Variants in TERT observed in about 807,000 individuals in gnomAD.
TERT encodes telomerase reverse transcriptase, also known as telomerase catalytic subunit.
A neutral mutation model predicts 104.0 loss-of-function variants in TERT; 42 were observed. The ratio of observed to expected loss-of-function variants is 0.40; its 90% CI spans 0.32 to 0.52. The LOEUF (loss-of-function observed/expected upper bound fraction) is 0.52. TERT is among the 20% of genes least tolerant of loss of function. The probability of loss-of-function intolerance (pLI) is 0.43; values close to 1 mark genes in which losing one functional copy is unlikely to be tolerated. For synonymous variants in TERT, 781 were observed against 725.6 expected (o/e 1.08, Z -1.23); for missense variants, 1,101 against 1,610.3 (o/e 0.68, Z 5.41).
Position 1,278,768 on chromosome 5 carries a change from A to G in TERT, c.2159T>C (p.Ile720Thr). 1 of 1,613,966 alleles carries G rather than the reference A, an allele frequency of 6.2e-7. No individual in the cohort carries two copies. The highest frequency in any genetic ancestry group is 8.5e-7 in the Non-Finnish European group (1 of 1,180,012). The stretch of plus-strand genomic sequence containing the variant: ...GACCTCCGTGAGCCTGTCCTGGGGG[A>G]TGGTGTCGTACGCGCCCGTCACATC... ...KVDVTGAYDT[I>T]PQDRLTEVIA... The change falls in exon 6 of 16, where the codon ATC (isoleucine) becomes ACC (threonine). Residue 720 changes from isoleucine to threonine, a missense_variant. Coordinates refer to ENST00000310581, the MANE Select transcript of TERT (RefSeq NM_198253.3).
chr5:1,290,574 C>T (rs1403072617), intron 2 of TERT, among the ~76,000 whole-genome samples: 14 of 70,906 alleles, frequency 2.0e-4, no homozygotes, highest in Admixed American at 4.3e-4. Context: ...TCACCCTACA[C>T]GTGACAGGGA....
rs1747828310 is a variant in TERT, at chr5:1,257,443, G to A, written c.3032+1155C>T. Among the ~76,000 whole-genome samples the A allele has an allele frequency of 6.6e-6, 1 of 152,160 alleles. No individual in the cohort carries two copies. The highest frequency in any genetic ancestry group is 1.5e-5 in the Non-Finnish European group (1 of 68,006). On this transcript the variant is annotated intron_variant, in intron 13 of 15. Transcript: ENST00000310581. This position sits in a 1 kb window ranked among gnomAD's most constrained non-coding sequence, Gnocchi z 5.6. ...CACCTGTATCCAGCACACCCCAAGG[G>A]TTTCCGGAAAGGAGTCAAGCAGCTT...
At chr5:1,280,553 AGTCAACCCTGGGGACGCCCAGTCCGGCG>A (rs1200891425) in intron 3 of TERT, among the ~76,000 whole-genome samples, 16 of 152,180 alleles carry the variant, frequency 1.1e-4, no homozygotes, top group Admixed American at 1.0e-3. Flanking sequence ...CTGGTCCTAT[AGTCAACCCTGGGGACGCCCAGTCCGGCG>A]GTCAACCCCC....
rs1748970462 is a variant in TERT at position 1,270,812 on chromosome 5, C to T, written c.2468+307G>A. Among the ~76,000 whole-genome samples, 2 of 152,230 alleles carry T rather than the reference C, an allele frequency of 1.3e-5. No homozygotes were observed. The highest frequency in any genetic ancestry group is 4.1e-4 in the South Asian group (2 of 4,830). On this transcript the variant is annotated intron_variant, in intron 8 of 15. Transcript: ENST00000310581. The surrounding 1 kb of genome is among the most constrained non-coding windows in gnomAD (Gnocchi z 8.3). Reference sequence around the variant, plus strand: ...CTGACAAGCTGCAGGCTCAAACGCTCGGCGCACACCTGACCCAGACACACC... The same window carrying T: ...CTGACAAGCTGCAGGCTCAAACGCTTGGCGCACACCTGACCCAGACACACC...
chr5:1,258,453 G>A, intron 13 of TERT, 145 bp downstream of exon 13: 2 of 770,694 alleles, frequency 2.6e-6, no homozygotes, highest in Non-Finnish European at 4.5e-6. Context: ...GAACAGAACT[G>A]TGCACAGGCA....
At chr5:1,283,601 G>T (rs537192750) in intron 2 of TERT, among the ~76,000 whole-genome samples, 400 of 138,566 alleles carry the variant, frequency 2.9e-3, no homozygotes, top group Middle Eastern at 9.7e-3. Context: ...ACCTCACCCC[G>T]GACCTGCACC....
Position 1,293,492 on chromosome 5 carries a change from A to G in TERT, c.1394T>C (p.Val465Ala). ...HSSPWQVYGF[V>A]RACLRRLVPP... ...CACCAGCCGGCGCAGGCAGGCCCGC[A>G]CGAAGCCGTACACCTGCCAGGGGCT... Residue 465 changes from valine (V) to alanine (A), a missense_variant, in exon 2 of 16, where the codon GTG (valine) becomes GCG (alanine). Val to Ala is a moderately conservative substitution (Grantham distance 64). Coordinates refer to ENST00000310581, the MANE Select transcript of TERT (RefSeq NM_198253.3). 6.3e-7 allele frequency: 1 copy of G among 1,587,654 alleles called. No homozygotes were observed. The highest frequency in any genetic ancestry group is 8.6e-7 in the Non-Finnish European group (1 of 1,167,870).
chr5:1,272,358 G>T, intron 6 of TERT, 78 bp from the exon 7 acceptor site: 1 of 1,256,960 alleles, frequency 8.0e-7, no homozygotes, highest in Non-Finnish European at 1.1e-6. Context: ...CTTCCGATCA[G>T]GACGTGTGGA....
chr5:1,267,358 G>A (rs1348135237), intron 9 of TERT, among the ~76,000 whole-genome samples: 1 of 152,164 alleles, frequency 6.6e-6, no homozygotes, highest in Non-Finnish European at 1.5e-5. Flanking sequence ...ATCCTCTCCA[G>A]CACCAGAACA....
chr5:1,281,048 G>A (rs1175784218), intron 3 of TERT, among the ~76,000 whole-genome samples: 1 of 152,192 alleles, frequency 6.6e-6, no homozygotes, highest in Admixed American at 6.5e-5. Flanking sequence ...CAGGGAGGAG[G>A]GGCCTCCAAG....
intron 4 of TERT, 40 bp from the exon 5 acceptor site, chr5:1,279,510 C>T (rs1399371705): frequency 1.3e-6 from 2 of 1,544,484 alleles, no homozygotes; most frequent in Non-Finnish European, 8.7e-7. Context: ...GAAAGTGGAT[C>T]CGGCCAAGTG....
At chr5:1,258,939 G>C (rs947273976) in intron 12 of TERT, among the ~76,000 whole-genome samples, 6 of 150,860 alleles carry the variant, frequency 4.0e-5, no homozygotes, top group African/African-American at 1.5e-4. Flanking sequence ...GAGAGGGGAG[G>C]TGGACGCAGA....
Position 1,293,858 on chromosome 5 carries a change from G to C in TERT, c.1028C>G (p.Pro343Arg), listed in dbSNP as rs1233561979. The C allele has an allele frequency of 6.5e-7, 1 of 1,546,328 alleles. No homozygotes were observed. Among genetic ancestry groups the C allele is most frequent in the East Asian group, 2.4e-5 (1 of 40,922 alleles). Residue 343 changes from proline (P) to arginine (R), a missense_variant, in exon 2 of 16, where the codon CCC becomes CGC. Pro to Arg is a moderately radical substitution (Grantham distance 103, BLOSUM62 -2). Around this residue, in one of 5 missense-constraint regions of TERT, gnomAD observed 504 missense variants for 544.6 expected, o/e 0.93. Coordinates refer to ENST00000310581, the MANE Select transcript of TERT (RefSeq NM_198253.3). ...CCTCAGAGAGCTGAGTAGGAAGGAG[G>C]GCCGCAGCTGCTCCTTGTCGCCTGA... ...YSSGDKEQLR[P>R]SFLLSSLRPS...
In TERT at chr5:1,257,686, T is replaced by G. The variant is rs1381962828; in HGVS notation, c.3032+912A>C. On this transcript the variant is annotated intron_variant, in intron 13 of 15. Transcript: ENST00000310581. The surrounding 1 kb of genome is among the most constrained non-coding windows in gnomAD (Gnocchi z 5.6). Reference sequence around the variant, plus strand: ...GCGCAAGCACTCGGGTTAAAAACCATTTTCATGGTACGACCTTGTAATGGA... The same window carrying G: ...GCGCAAGCACTCGGGTTAAAAACCAGTTTCATGGTACGACCTTGTAATGGA... Among the ~76,000 whole-genome samples, 1 of 152,232 alleles carries G rather than the reference T, an allele frequency of 6.6e-6. No individual in the cohort carries two copies. Among genetic ancestry groups the G allele is most frequent in the Non-Finnish European group, 1.5e-5 (1 of 68,036 alleles).
At position 1,271,000 on chromosome 5, in the gene TERT, G is replaced by T; in HGVS notation, c.2468+119C>A. 1 of 804,622 alleles carries T rather than the reference G, an allele frequency of 1.2e-6. No individual in the cohort carries two copies. The highest frequency in any genetic ancestry group is 2.1e-6 in the Non-Finnish European group (1 of 486,284). The allele number at this position is 804,622 out of a possible 1,614,324, so 49.8% of individuals were successfully genotyped here. The stretch of plus-strand genomic sequence containing the variant: ...CCGGAGGGGGCGGGGGCCAGAAAAG[G>T]AGACTCTGGTGGCCCCGGGCAGAAG... On this transcript the variant is annotated intron_variant, in intron 8 of 15. Transcript: ENST00000310581. This position sits in a 1 kb window ranked among gnomAD's most constrained non-coding sequence, Gnocchi z 8.3.
chr5:1,294,745 CGGACG>C, intron 1 of TERT, 21 bp downstream of exon 1: 5 of 1,560,494 alleles, frequency 3.2e-6, no homozygotes, highest in Non-Finnish European at 4.3e-6. Flanking sequence ...CAACCCCAGC[CGGACG>C]CCGACCCCGG....
At chr5:1,289,398 C>T (rs1432618492) in intron 2 of TERT, among the ~76,000 whole-genome samples, 13 of 136,114 alleles carry the variant, frequency 9.6e-5, no homozygotes, top group South Asian at 7.5e-4. Flanking sequence ...TCACCCTGCA[C>T]GTGACAGGGA....
At chr5:1,280,475 G>A (rs375341274) in intron 3 of TERT, 137 bp from the exon 4 acceptor site, 94 of 969,994 alleles carry the variant, frequency 9.7e-5, no homozygotes, top group East Asian at 3.9e-4. Flanking sequence ...GGCCATGCCC[G>A]GGGCCACGTC....
rs183872414 is a variant in TERT, at chr5:1,256,538, G to A, written c.3033-1127C>T. ...GCCTCACCCACTGCCTGAGCCCCCC[G>A]TGTACCTCATCTCACCCACTGCCTG... is the stretch of plus-strand genomic sequence containing the variant. On this transcript the variant is annotated intron_variant, in intron 13 of 15. Transcript: ENST00000310581. The surrounding 1 kb of genome is among the most constrained non-coding windows in gnomAD (Gnocchi z 7.0). 4.1e-4 allele frequency among the ~76,000 whole-genome samples: 49 copies of A among 119,674 alleles called. No homozygotes were observed. The highest frequency in any genetic ancestry group is 9.6e-4 in the African/African-American group (29 of 30,296). The allele number at this position is 119,674 out of a possible 152,430, so 78.5% of individuals were successfully genotyped here. A position where few individuals can be genotyped will look rare whatever the true frequency, so the allele number is the denominator to read the frequency against.
Sources: gnomAD v4.1 joint callset for allele counts (sites outside exome capture counted in the v4.1 genomes callset) on GRCh38, gnomAD v4.1.1 for gene constraint, gnomAD v4.1.1 regional missense constraint, Gnocchi (gnomAD v3.1) non-coding constraint, MANE v1.5 for transcripts, NCBI Gene and HGNC (gene_info 2026-07-23, HGNC 2026-07-21) for gene names.